The following PAMR1 variants were observed in gnomAD, a reference collection of about 807,000 sequenced individuals.
PAMR1 encodes the protein peptidase domain containing associated with muscle regeneration 1.
A neutral mutation model predicts 81.8 loss-of-function variants in PAMR1; 88 were observed. The ratio of observed to expected loss-of-function variants is 1.08; its 90% CI spans 0.91 to 1.28. The LOEUF is 1.28. PAMR1 is among the 50% of genes most tolerant of loss of function. The pLI is 0.00. For missense variants in PAMR1, 935 were observed against 919.7 expected (o/e 1.02, Z -0.21); for synonymous variants, 336 against 345.3 (o/e 0.97, Z 0.30).
chr11:35,438,128 A>G (rs919952162), intron 8 of PAMR1, among the ~76,000 whole-genome samples: 16 of 152,224 alleles, frequency 1.1e-4, no homozygotes, highest in African/African-American at 3.6e-4. Context: ...GACTCAAAGT[A>G]TAGTGCATAC....
intron 1 of PAMR1, among the ~76,000 whole-genome samples, chr11:35,523,706 A>G (rs1284737485): frequency 2.0e-5 from 3 of 152,162 alleles, no homozygotes; most frequent in African/African-American, 7.2e-5. Context: ...TTGAGGAAAT[A>G]TTTTCCTTCT....
intron 1 of PAMR1, among the ~76,000 whole-genome samples, 174 bp from the exon 2 acceptor site, chr11:35,494,446 G>A (rs1363598482): frequency 1.3e-5 from 2 of 152,200 alleles, no homozygotes. Context: ...CCATTCTCCT[G>A]CCGCAGCCTC....
At chr11:35,441,730 G>T in intron 6 of PAMR1, 37 bp from the exon 7 acceptor site, 1 of 1,413,004 alleles carries the variant, frequency 7.1e-7, no homozygotes, top group South Asian at 1.3e-5. Context: ...ATTGTTAAAA[G>T]TCTGAGTTAT....
intron 3 of PAMR1, among the ~76,000 whole-genome samples, chr11:35,490,475 A>G: frequency 6.6e-6 from 1 of 152,178 alleles, no homozygotes; most frequent in Non-Finnish European, 1.5e-5. Flanking sequence ...TCTAATTACA[A>G]CTATCTCAAA....
Position 35,434,445 on chromosome 11 carries a change from C to T in PAMR1, c.1626+67G>A. On this transcript the variant is annotated intron_variant, in intron 10 of 10. Coordinates refer to ENST00000619888, the MANE Select transcript of PAMR1 (RefSeq NM_001001991.3). ...AAGGGGACAGAGCTTGGTATAATCA[C>T]TGCTCTCCCGTGCTTGGAGTTTTTT... 3 of 1,489,838 alleles carry T rather than the reference C, an allele frequency of 2.0e-6. No individual in the cohort carries two copies. In the East Asian group the frequency reaches 6.8e-5, roughly 34 times the overall value. The allele number at this position is 1,489,838 out of a possible 1,614,324, so 92.3% of individuals were successfully genotyped here. A position where few individuals can be genotyped will look rare whatever the true frequency, so the allele number is the denominator to read the frequency against.
chr11:35,526,719 A>G (rs150320985), upstream of PAMR1, among the ~76,000 whole-genome samples: 25 of 152,332 alleles, frequency 1.6e-4, no homozygotes, highest in East Asian at 3.1e-3. Flanking sequence ...AGAGCTTCTT[A>G]GGATGCTACA....
chr11:35,506,382 C>A (rs1373408014), intron 1 of PAMR1, among the ~76,000 whole-genome samples: 1 of 149,900 alleles, frequency 6.7e-6, no homozygotes, highest in Non-Finnish European at 1.5e-5. Context: ...GGGTTTTATA[C>A]CTTCAAAAAA....
At chr11:35,470,436 T>C (rs1664746365) in intron 5 of PAMR1, among the ~76,000 whole-genome samples, 165 bp downstream of exon 5, 1 of 152,232 alleles carries the variant, frequency 6.6e-6, no homozygotes, top group Non-Finnish European at 1.5e-5. Flanking sequence ...TGAGTTTTTC[T>C]GAAATATACC....
intron 2 of PAMR1, among the ~76,000 whole-genome samples, 187 bp downstream of exon 2, chr11:35,493,909 T>A (rs1318729826): frequency 1.3e-5 from 2 of 152,384 alleles, no homozygotes; most frequent in South Asian, 2.1e-4. Flanking sequence ...AGTTTAACAC[T>A]GAAAAGAGTA....
At chr11:35,508,486 T>C (rs191818329) in intron 1 of PAMR1, among the ~76,000 whole-genome samples, 1 of 151,594 alleles carries the variant, frequency 6.6e-6, no homozygotes, top group Admixed American at 6.6e-5. Flanking sequence ...AGCTTGCTTC[T>C]ATGCCACCAT....
At chr11:35,515,361 G>A (rs1851142923) in intron 1 of PAMR1, among the ~76,000 whole-genome samples, 1 of 152,228 alleles carries the variant, frequency 6.6e-6, no homozygotes, top group South Asian at 2.1e-4. Context: ...AACAACAGAT[G>A]TCAAGTGTAG....
intron 10 of PAMR1, 103 bp downstream of exon 10, chr11:35,434,409 G>T: frequency 8.8e-7 from 1 of 1,135,370 alleles, no homozygotes; most frequent in Non-Finnish European, 1.3e-6. Flanking sequence ...TGGGCTGGCT[G>T]CTGACATGCT....
At chr11:35,437,567 C>T (rs1202704544) in intron 8 of PAMR1, among the ~76,000 whole-genome samples, 2 of 152,216 alleles carry the variant, frequency 1.3e-5, no homozygotes, top group Non-Finnish European at 2.9e-5. Context: ...TCTACACTGT[C>T]GTTGGGGGCT....
intron 6 of PAMR1, among the ~76,000 whole-genome samples, chr11:35,449,776 C>T (rs375029519): frequency 1.4e-4 from 21 of 152,246 alleles, no homozygotes; most frequent in African/African-American, 4.6e-4. Flanking sequence ...TGCACAGATC[C>T]ATGGCAAAAT....
chr11:35,494,982 A>T (rs1283855049), intron 1 of PAMR1, among the ~76,000 whole-genome samples: 2 of 149,734 alleles, frequency 1.3e-5, no homozygotes, highest in Non-Finnish European at 3.0e-5. Context: ...ACATCAGGCC[A>T]CTGTTTACGA....
chr11:35,481,918 G>A (rs1306369560), intron 3 of PAMR1, among the ~76,000 whole-genome samples: 1 of 152,060 alleles, frequency 6.6e-6, no homozygotes, highest in Non-Finnish European at 1.5e-5. Flanking sequence ...TAACTTCCTT[G>A]TAGATTCTGG....
chr11:35,494,997 A>C (rs1478408419), intron 1 of PAMR1, among the ~76,000 whole-genome samples: 1 of 151,710 alleles, frequency 6.6e-6, no homozygotes, highest in Non-Finnish European at 1.5e-5. Context: ...TTACGACTAC[A>C]TAGGTTGTGC....
At chr11:35,448,818 G>C (rs1856351116) in intron 6 of PAMR1, among the ~76,000 whole-genome samples, 1 of 152,184 alleles carries the variant, frequency 6.6e-6, no homozygotes, top group South Asian at 2.1e-4. Context: ...CTTTGGATGA[G>C]ATTTTTGTGG....
At chr11:35,449,269 G>C (rs116018194) in intron 6 of PAMR1, among the ~76,000 whole-genome samples, 3 of 151,438 alleles carry the variant, frequency 2.0e-5, no homozygotes, top group Non-Finnish European at 4.4e-5. Flanking sequence ...GATCATGACT[G>C]CCTCCCCACA....
Sources: allele counts gnomAD v4.1 joint callset (sites outside exome capture counted in the v4.1 genomes callset), GRCh38; gene constraint gnomAD v4.1.1; transcripts MANE v1.5; gene names NCBI Gene and HGNC (gene_info 2026-07-23, HGNC 2026-07-21).